The following TNRC6C variants were observed in gnomAD, a reference collection of about 807,000 sequenced individuals.
The protein encoded by TNRC6C is trinucleotide repeat containing adaptor 6C, also known as trinucleotide repeat-containing gene 6C protein.
TNRC6C carries 20 observed loss-of-function variants against 153.7 expected under a neutral mutation model. That is an observed-to-expected ratio of 0.13 (90% CI 0.09 to 0.19). The LOEUF (loss-of-function observed/expected upper bound fraction) is 0.19. TNRC6C is among the 10% of genes least tolerant of loss of function. The probability of loss-of-function intolerance (pLI) is 1.00; values close to 1 mark genes in which losing one functional copy is unlikely to be tolerated. For synonymous variants in TNRC6C, 811 were observed against 841.4 expected (o/e 0.96, Z 0.63); for missense variants, 1,987 against 2,172.0 (o/e 0.91, Z 1.69).
chr17:77,995,209 G>A (rs553223528), intron 1 of TNRC6C, among the ~76,000 whole-genome samples: 2 of 152,366 alleles, frequency 1.3e-5, no homozygotes, highest in South Asian at 2.1e-4. Flanking sequence ...GGCTCACGGG[G>A]TGGCAGAGAA....
intron 16 of TNRC6C, 101 bp from the exon 19 acceptor site, chr17:78,097,644 C>A: frequency 1.3e-6 from 1 of 763,216 alleles, no homozygotes; most frequent in Non-Finnish European, 2.0e-6. Context: ...AAATGGCAGC[C>A]TAGGGAGAGG....
chr17:78,026,938 T>G (rs1488354400), intron 1 of TNRC6C, among the ~76,000 whole-genome samples: 1 of 152,046 alleles, frequency 6.6e-6, no homozygotes, highest in Non-Finnish European at 1.5e-5. Flanking sequence ...GGTGATTGAT[T>G]AGATGTAGGA....
chr17:77,977,081 T>C (rs1441843359), intron 1 of TNRC6C, among the ~76,000 whole-genome samples: 1 of 152,080 alleles, frequency 6.6e-6, no homozygotes, highest in East Asian at 1.9e-4. Context: ...AGATGGTATC[T>C]ATTTTATGGT....
rs865853611 is a variant in TNRC6C at position 78,093,526 on chromosome 17, A to G, written c.4163-94A>G. The G allele has an allele frequency of 1.0e-4, 151 of 1,481,526 alleles. 2 individuals are homozygous for G. In the South Asian group the frequency reaches 1.1e-3, roughly 11 times the overall value. 91.8% of individuals were successfully genotyped at this position (1,481,526 alleles called of 1,614,324 possible). ...CTAATTTAATTAGCAGATTATAAAAATTTCTACAAACAGGACAAAACATCT... is the reference window on the plus strand; with the variant it reads ...CTAATTTAATTAGCAGATTATAAAAGTTTCTACAAACAGGACAAAACATCT... On this transcript the variant is annotated intron_variant, in intron 15 of 19. Transcript: ENST00000301624.
chr17:78,076,827 C>T (rs1027529891), intron 8 of TNRC6C, among the ~76,000 whole-genome samples: 2 of 152,304 alleles, frequency 1.3e-5, no homozygotes, highest in Middle Eastern at 3.4e-3. Flanking sequence ...CTAATGTACA[C>T]CTAGAGCTTT....
chr17:78,042,181 A>G (rs2072309376), intron 2 of TNRC6C, among the ~76,000 whole-genome samples: 1 of 152,226 alleles, frequency 6.6e-6, no homozygotes, highest in Admixed American at 6.5e-5. Flanking sequence ...ACCTATTTAT[A>G]GACTGTAAAC....
Position 77,967,403 on chromosome 17 carries a change from G to T in TNRC6C, c.-38+8135G>T, listed in dbSNP as rs59325942. 3.8e-3 allele frequency among the ~76,000 whole-genome samples: 529 copies of T among 139,776 alleles called. 4 individuals carry two copies. Among genetic ancestry groups the T allele is most frequent in the African/African-American group, 0.017 (492 of 29,776 alleles). The allele number at this position is 139,776 out of a possible 152,430, so 91.7% of individuals were successfully genotyped here. On this transcript the variant is annotated intron_variant, in intron 1 of 22. Transcript: ENST00000636222. ...AGATATTGCTTCCACAAGTCATGCG[G>T]GGGGGGAGAGAAGATTGATAATTGA...
chr17:78,098,492 A>G (rs1598793701), exon 17 of TNRC6C: 4 of 1,613,622 alleles, frequency 2.5e-6, no homozygotes, highest in Non-Finnish European at 3.4e-6. Flanking sequence ...GCCCTCCTCC[A>G]CCTGGGGTGC....
Position 78,102,468 on chromosome 17 carries a change from T to C in TNRC6C, c.4502-6T>C, listed in dbSNP as rs757875444. 1.1e-5 allele frequency: 18 copies of C among 1,604,702 alleles called. No homozygotes were observed. Among genetic ancestry groups the C allele is most frequent in the Admixed American group, 3.4e-5 (2 of 58,854 alleles). On this transcript the variant is annotated splice_region_variant and splice_polypyrimidine_tract_variant and intron_variant, in intron 17 of 19. Transcript: ENST00000301624. ...TTGTCAACCAGGTTCTCCCCTCTTG[T>C]TGCAGGTTCTGCCTGGAGCACCGAC...
intron 1 of TNRC6C, among the ~76,000 whole-genome samples, chr17:78,024,181 A>G (rs1459112843): frequency 6.6e-6 from 1 of 152,208 alleles, no homozygotes; most frequent in Non-Finnish European, 1.5e-5. Context: ...GCTAATTGTA[A>G]TTTTAAAACA....
chr17:78,104,685 T>A lies in TNRC6C; in HGVS notation c.4913T>A (p.Leu1638Gln). Residue 1638 changes from leucine (L) to glutamine (Q), a missense_variant, in exon 20 of 20, where the codon CTG becomes CAG. Coordinates refer to ENST00000301624, the Ensembl canonical transcript of TNRC6C. This position sits in a 1 kb window ranked among gnomAD's most constrained non-coding sequence, Gnocchi z 6.2. Reference sequence around the variant, plus strand: ...GCTGGCCACTGGAACGCCCCGTGCCTGGGTGGCAAGGGGAGCAGTGAGCTG... The same window carrying A: ...GCTGGCCACTGGAACGCCCCGTGCCAGGGTGGCAAGGGGAGCAGTGAGCTG... 1 of 1,541,766 alleles carries A rather than the reference T, an allele frequency of 6.5e-7. No individual in the cohort carries two copies. Among genetic ancestry groups the A allele is most frequent in the Non-Finnish European group, 8.7e-7 (1 of 1,146,176 alleles).
chr17:78,103,281 ATAT>A (rs2073630356), intron 18 of TNRC6C, 130 bp from the exon 22 acceptor site: 2 of 1,074,034 alleles, frequency 1.9e-6, no homozygotes, highest in Non-Finnish European at 1.3e-6. Flanking sequence ...GTAAAACCAC[ATAT>A]TATTAGGCCT....
chr17:78,056,350 G>A (rs888594079), intron 3 of TNRC6C, among the ~76,000 whole-genome samples: 9 of 151,404 alleles, frequency 5.9e-5, no homozygotes, highest in African/African-American at 2.2e-4. Context: ...TAGAGATGGG[G>A]TTTCACCATG....
chr17:78,009,343 G>A (rs1234094202), intron 1 of TNRC6C, among the ~76,000 whole-genome samples: 1 of 151,740 alleles, frequency 6.6e-6, no homozygotes, highest in Non-Finnish European at 1.5e-5. Flanking sequence ...ATTGTTTTCT[G>A]GGTGTTTTCA....
In TNRC6C at chr17:78,073,229, C is replaced by G. The variant is rs554784283; in HGVS notation, c.2917+135C>G. ...GGACCAGGCCACAGTGAAGGGGCAA[C>G]CACACAACAAGCTGGAACCACAGAG... On this transcript the variant is annotated intron_variant, in intron 7 of 19. Coordinates refer to ENST00000301624, the Ensembl canonical transcript of TNRC6C. The G allele has an allele frequency of 1.0e-4, 64 of 619,754 alleles. 2 individuals are homozygous for G. The South Asian group carries it at 1.9e-3, about 19-fold the overall frequency. The allele number at this position is 619,754 out of a possible 1,614,324, so 38.4% of individuals were successfully genotyped here.
chr17:78,012,227 G>C (rs1236534530), intron 1 of TNRC6C, among the ~76,000 whole-genome samples: 1 of 152,162 alleles, frequency 6.6e-6, no homozygotes, highest in Non-Finnish European at 1.5e-5. Flanking sequence ...TTGCTACCTA[G>C]AGATGGCTAG....
At chr17:77,999,935 G>A (rs1037930378), upstream of TNRC6C, among the ~76,000 whole-genome samples, 1 of 152,182 alleles carries the variant, frequency 6.6e-6, no homozygotes, top group African/African-American at 2.4e-5. Context: ...ATATTTCAAT[G>A]GCTAGAAGCA....
intron 1 of TNRC6C, among the ~76,000 whole-genome samples, chr17:78,030,234 C>T (rs2072039624): frequency 6.6e-6 from 1 of 152,102 alleles, no homozygotes; most frequent in Non-Finnish European, 1.5e-5. Flanking sequence ...ACTGCAACCT[C>T]CACCTCCCGG....
At chr17:78,093,502 T>C in intron 15 of TNRC6C, 118 bp from the exon 18 acceptor site, 1 of 1,272,270 alleles carries the variant, frequency 7.9e-7, no homozygotes, top group Non-Finnish European at 1.1e-6. Context: ...GGTGTACCTC[T>C]AATTTAATTA....
Sources: allele counts gnomAD v4.1 joint callset (sites outside exome capture counted in the v4.1 genomes callset), GRCh38; gene constraint gnomAD v4.1.1; non-coding constraint Gnocchi (gnomAD v3.1); transcripts MANE v1.5; gene names NCBI Gene and HGNC (gene_info 2026-07-23, HGNC 2026-07-21).